Variants in FSTL4 observed in about 807,000 individuals in gnomAD.
FSTL4 encodes follistatin-related protein 4.
Under a neutral mutation model 78.2 loss-of-function variants are expected in FSTL4, and 28 were observed. That is an observed-to-expected ratio of 0.36 (90% CI 0.27 to 0.49). The LOEUF is 0.49. FSTL4 is among the 20% of genes least tolerant of loss of function. The probability of loss-of-function intolerance (pLI) is 0.98; values close to 1 mark genes in which losing one functional copy is unlikely to be tolerated. For missense variants in FSTL4, 922 were observed against 1,084.9 expected (o/e 0.85, Z 2.11); for synonymous variants, 422 against 440.5 (o/e 0.96, Z 0.53).
Position 133,612,135 on chromosome 5 carries a change from C to G in FSTL4, c.-11+190G>C, listed in dbSNP as rs1389788656. On this transcript the variant is annotated intron_variant, in intron 1 of 15. Coordinates refer to ENST00000265342, the MANE Select transcript of FSTL4 (RefSeq NM_015082.2). The surrounding 1 kb of genome is among the most constrained non-coding windows in gnomAD (Gnocchi z 6.2). ...CCCTGCCGAGCCCTGGCCCAGCGGT[C>G]CCTTCCCCGCGGGCAAACTTGGCTT... Among the ~76,000 whole-genome samples the G allele has an allele frequency of 6.6e-6, 1 of 152,112 alleles. No homozygotes were observed. Among genetic ancestry groups the G allele is most frequent in the East Asian group, 2.0e-4 (1 of 5,110 alleles).
At chr5:133,470,380 T>A (rs529461762) in intron 3 of FSTL4, among the ~76,000 whole-genome samples, 2 of 152,246 alleles carry the variant, frequency 1.3e-5, no homozygotes, top group South Asian at 4.1e-4. Context: ...CAAACTAGTA[T>A]CCTCAGTCGG....
chr5:133,655,519 C>A, the FSTL4 span, among the ~76,000 whole-genome samples: 1 of 152,144 alleles, frequency 6.6e-6, no homozygotes, highest in Admixed American at 6.5e-5. Context: ...CATTAAGAGT[C>A]ATTTACTAAA....
the FSTL4 span, among the ~76,000 whole-genome samples, chr5:133,782,905 G>A: frequency 6.6e-6 from 1 of 152,148 alleles, no homozygotes; most frequent in Non-Finnish European, 1.5e-5. Context: ...CTGCTCTATG[G>A]GAGGGAGGAG....
the FSTL4 span, among the ~76,000 whole-genome samples, chr5:133,620,266 G>A: frequency 3.3e-5 from 5 of 152,116 alleles, no homozygotes; most frequent in African/African-American, 9.7e-5. Context: ...ATGGCAGGAG[G>A]GGAAAGATTT....
intron 4 of FSTL4, among the ~76,000 whole-genome samples, chr5:133,398,555 T>A (rs191419520): frequency 2.2e-3 from 332 of 152,276 alleles, no homozygotes; most frequent in Non-Finnish European, 3.7e-3. Context: ...ATCTCTCTAC[T>A]CTCGGCCTGT....
chr5:133,828,363 C>T, the FSTL4 span, among the ~76,000 whole-genome samples: 1 of 152,230 alleles, frequency 6.6e-6, no homozygotes, highest in East Asian at 1.9e-4. Context: ...CACAATGCTT[C>T]ACCCTCAGTG....
At position 133,449,141 on chromosome 5, in the gene FSTL4, C is replaced by T. The variant is rs529174912; in HGVS notation, c.161-48155G>A. Among the ~76,000 whole-genome samples, 7 of 152,288 alleles carry T rather than the reference C, an allele frequency of 4.6e-5. No homozygotes were observed. In the East Asian group the frequency reaches 9.7e-4, roughly 21 times the overall value. On this transcript the variant is annotated intron_variant, in intron 3 of 15. Coordinates refer to ENST00000265342, the MANE Select transcript of FSTL4 (RefSeq NM_015082.2). ...GCGCTGAGTGTTCTACAGAACGATC[C>T]GCCCCACGTGCCCCTGTGCCCCTGC...
chr5:133,673,436 C>T, the FSTL4 span, among the ~76,000 whole-genome samples: 1 of 152,126 alleles, frequency 6.6e-6, no homozygotes, highest in Non-Finnish European at 1.5e-5. Flanking sequence ...TGCTCACTGC[C>T]GGATATTCCT....
intron 6 of FSTL4, among the ~76,000 whole-genome samples, chr5:133,261,761 C>T (rs1158932263): frequency 6.6e-6 from 1 of 152,082 alleles, no homozygotes; most frequent in Non-Finnish European, 1.5e-5. Flanking sequence ...GAGGCTGAGG[C>T]AGGCGGATCA....
At chr5:133,430,626 C>G (rs2126995536) in intron 3 of FSTL4, among the ~76,000 whole-genome samples, 1 of 152,314 alleles carries the variant, frequency 6.6e-6, no homozygotes, top group South Asian at 2.1e-4. Context: ...AAATCTTACT[C>G]CACAGAACAA....
chr5:133,730,467 G>A, the FSTL4 span, among the ~76,000 whole-genome samples: 25 of 152,228 alleles, frequency 1.6e-4, no homozygotes, highest in African/African-American at 4.6e-4. Flanking sequence ...CTGAGGCCTC[G>A]GGTCCCACAG....
intron 3 of FSTL4, among the ~76,000 whole-genome samples, chr5:133,466,915 TGA>T (rs1339069967): frequency 4.0e-5 from 6 of 150,804 alleles, no homozygotes; most frequent in East Asian, 1.9e-4. Context: ...TGTGTAAGTG[TGA>T]GAGTGTGTGT....
chr5:133,726,703 T>C, the FSTL4 span, among the ~76,000 whole-genome samples: 1 of 152,088 alleles, frequency 6.6e-6, no homozygotes, highest in Non-Finnish European at 1.5e-5. Context: ...CAGCCCCTTG[T>C]ATGGAAAAAG....
At chr5:133,680,598 T>G in the FSTL4 span, among the ~76,000 whole-genome samples, 1 of 152,214 alleles carries the variant, frequency 6.6e-6, no homozygotes. Flanking sequence ...CCCATGTTCA[T>G]TATTGCAGAA....
In FSTL4 at chr5:133,267,764, G is replaced by C. The variant is rs186317443; in HGVS notation, c.728-18188C>G. The stretch of plus-strand genomic sequence containing the variant: ...ACTGCTAGATAGGTTCCAAGTGGGG[G>C]AGGTGTGATTTGCTTGGGGCAGAGG... On this transcript the variant is annotated intron_variant, in intron 6 of 15. Coordinates refer to ENST00000265342, the MANE Select transcript of FSTL4 (RefSeq NM_015082.2). Among the ~76,000 whole-genome samples, 539 of 152,286 alleles carry C rather than the reference G, an allele frequency of 3.5e-3. 2 individuals are homozygous for C. The highest frequency in any genetic ancestry group is 0.012 in the African/African-American group (495 of 41,552).
At chr5:133,265,405 A>G (rs1050622522) in intron 6 of FSTL4, among the ~76,000 whole-genome samples, 14 of 152,138 alleles carry the variant, frequency 9.2e-5, no homozygotes, top group Non-Finnish European at 1.8e-4. Flanking sequence ...CTGAAAGTCA[A>G]TGTGAAAGTT....
chr5:133,455,616 C>A (rs1757472318), intron 3 of FSTL4, among the ~76,000 whole-genome samples: 2 of 152,042 alleles, frequency 1.3e-5, no homozygotes, highest in South Asian at 4.1e-4. Flanking sequence ...TTGAAAGAGG[C>A]CTGCAAAAGA....
At chr5:133,540,735 AAAAAGAAAG>A (rs1394542122) in intron 3 of FSTL4, among the ~76,000 whole-genome samples, 1 of 151,592 alleles carries the variant, frequency 6.6e-6, no homozygotes, top group African/African-American at 2.4e-5. Flanking sequence ...AAAAAAAAAA[AAAAAGAAAG>A]AAAAAAACAA....
the FSTL4 span, among the ~76,000 whole-genome samples, chr5:133,756,203 G>A: frequency 1.3e-5 from 2 of 152,060 alleles, no homozygotes; most frequent in Non-Finnish European, 2.9e-5. Context: ...CTCAGGCAAG[G>A]CATTTCGGGC....
Sources: allele counts gnomAD v4.1 joint callset (sites outside exome capture counted in the v4.1 genomes callset), GRCh38; gene constraint gnomAD v4.1.1; non-coding constraint Gnocchi (gnomAD v3.1); transcripts MANE v1.5; gene names NCBI Gene and HGNC (gene_info 2026-07-23, HGNC 2026-07-21).